Variants in FBXO36 observed in about 807,000 individuals in gnomAD.
The protein encoded by FBXO36 is F-box protein 36.
In FBXO36, 18 loss-of-function variants were observed where a neutral mutation model predicts 17.0. That is an observed-to-expected ratio of 1.06 (90% CI 0.73 to 1.57). The LOEUF is 1.57. FBXO36 is among the 40% of genes most tolerant of loss of function. The pLI is 0.00. For synonymous variants in FBXO36, 83 were observed against 85.3 expected (o/e 0.97, Z 0.15); for missense variants, 229 against 221.9 (o/e 1.03, Z -0.20).
At chr2:229,929,603 T>A (rs747745500) in intron 1 of FBXO36, among the ~76,000 whole-genome samples, 9 of 150,484 alleles carry the variant, frequency 6.0e-5, no homozygotes, top group Admixed American at 5.3e-4. Flanking sequence ...CCAGGCGCGG[T>A]GGCTCATGCC....
intron 3 of FBXO36, 21 bp from the exon 4 acceptor site, chr2:230,010,675 T>C (rs2106221322): frequency 6.3e-7 from 1 of 1,589,348 alleles, no homozygotes; most frequent in South Asian, 1.1e-5. Context: ...GTAACCCACC[T>C]CTGACTTTTC....
chr2:230,005,383 G>A (rs2077381855), intron 3 of FBXO36, among the ~76,000 whole-genome samples: 1 of 152,030 alleles, frequency 6.6e-6, no homozygotes, highest in South Asian at 2.1e-4. Flanking sequence ...TTACAGGTGT[G>A]AGCCACCACA....
intron 1 of FBXO36, chr2:229,932,826 T>C (rs2076945819): frequency 4.0e-6 from 1 of 249,494 alleles, no homozygotes; most frequent in Non-Finnish European, 8.5e-6. Flanking sequence ...TCCCAGCACT[T>C]TGGGAGGCCG....
chr2:229,991,384 A>G (rs1238130520), intron 2 of FBXO36, among the ~76,000 whole-genome samples: 1 of 152,156 alleles, frequency 6.6e-6, no homozygotes, highest in Non-Finnish European at 1.5e-5. Flanking sequence ...GGAGGCCTCT[A>G]AGGAAGTAAT....
At chr2:229,982,778 CAAAAAAAA>C (rs58999886) in intron 2 of FBXO36, among the ~76,000 whole-genome samples, 1 of 78,758 alleles carries the variant, frequency 1.3e-5, no homozygotes, top group Non-Finnish European at 2.5e-5. Flanking sequence ...GAGCTTGTCT[CAAAAAAAA>C]AAAAAAAAAA....
rs191757359 is a variant in FBXO36 at position 229,993,505 on chromosome 2, G to A, written c.206-3246G>A. 4.0e-3 allele frequency among the ~76,000 whole-genome samples: 605 copies of A among 152,296 alleles called. 7 individuals are homozygous for A. Among genetic ancestry groups the A allele is most frequent in the African/African-American group, 0.014 (580 of 41,568 alleles). On this transcript the variant is annotated intron_variant, in intron 2 of 3. Transcript: ENST00000283946. ...GTGTGGGATGGAAATATGCGGGGGT[G>A]TAAGTTTAGGAAAAGATAGTCACTG...
At chr2:229,931,753 C>A (rs1017377469) in intron 1 of FBXO36, among the ~76,000 whole-genome samples, 1 of 152,044 alleles carries the variant, frequency 6.6e-6, no homozygotes, top group African/African-American at 2.4e-5. Context: ...GCAGCAGAAT[C>A]GCTTGAACCT....
In FBXO36 at chr2:229,979,070, G is replaced by A. The variant is rs897460668; in HGVS notation, c.205+2721G>A. Reference sequence around the variant, plus strand: ...CAGGCGCCTGTAATCCCTGCTGCTCGGGAGGCTGAGGATCACTTGAACCTG... The same window carrying A: ...CAGGCGCCTGTAATCCCTGCTGCTCAGGAGGCTGAGGATCACTTGAACCTG... On this transcript the variant is annotated intron_variant, in intron 2 of 3. Transcript: ENST00000283946. Among the ~76,000 whole-genome samples, 5 of 151,598 alleles carry A rather than the reference G, an allele frequency of 3.3e-5. No individual in the cohort carries two copies. In the East Asian group the frequency reaches 9.7e-4, roughly 29 times the overall value.
intron 3 of FBXO36, among the ~76,000 whole-genome samples, chr2:230,004,276 G>A (rs1430401690): frequency 1.3e-5 from 2 of 152,084 alleles, no homozygotes; most frequent in Non-Finnish European, 2.9e-5. Flanking sequence ...CAAGCTCAAG[G>A]GCAAGGATTG....
intron 1 of FBXO36, among the ~76,000 whole-genome samples, chr2:229,929,895 T>A (rs1001054152): frequency 6.6e-6 from 1 of 152,182 alleles, no homozygotes; most frequent in African/African-American, 2.4e-5. Context: ...TTCTAAGCTA[T>A]CATGCCCATT....
At chr2:229,998,477 C>T (rs547779753) in intron 3 of FBXO36, among the ~76,000 whole-genome samples, 2 of 152,134 alleles carry the variant, frequency 1.3e-5, no homozygotes, top group Non-Finnish European at 2.9e-5. Context: ...ACAAAATTAG[C>T]CAAGCGTGGT....
At chr2:229,941,279 C>T (rs945136848) in intron 1 of FBXO36, among the ~76,000 whole-genome samples, 1 of 151,958 alleles carries the variant, frequency 6.6e-6, no homozygotes, top group African/African-American at 2.4e-5. Flanking sequence ...CACGGTGAAA[C>T]CCCGTGTCTA....
chr2:229,958,453 T>C (rs926687905), intron 1 of FBXO36, among the ~76,000 whole-genome samples: 3 of 152,064 alleles, frequency 2.0e-5, no homozygotes, highest in Non-Finnish European at 2.9e-5. Flanking sequence ...GTATTTTTAG[T>C]AGAGACGGGG....
At chr2:229,975,083 G>A (rs2077200326) in intron 1 of FBXO36, among the ~76,000 whole-genome samples, 1 of 152,120 alleles carries the variant, frequency 6.6e-6, no homozygotes. Context: ...CCCATTAATT[G>A]ACACTGCCAT....
At chr2:229,952,763 A>G (rs1034382004) in intron 1 of FBXO36, among the ~76,000 whole-genome samples, 9 of 152,286 alleles carry the variant, frequency 5.9e-5, no homozygotes, top group African/African-American at 1.7e-4. Flanking sequence ...AGTGTTGCCA[A>G]GAGGGTACCA....
intron 1 of FBXO36, among the ~76,000 whole-genome samples, chr2:229,956,804 A>AGTTCTCCT (rs2077090463): frequency 1.3e-5 from 2 of 152,180 alleles, no homozygotes; most frequent in South Asian, 4.1e-4. Flanking sequence ...CAAAGAGACT[A>AGTTCTCCT]GTTCTCCTTT....
chr2:229,983,773 C>A (rs961160602), intron 2 of FBXO36, among the ~76,000 whole-genome samples: 1 of 152,172 alleles, frequency 6.6e-6, no homozygotes, highest in Non-Finnish European at 1.5e-5. Context: ...GTGACCTTAA[C>A]CAAATTATTT....
rs184490306 is a variant in FBXO36 at position 229,980,096 on chromosome 2, G to A, written c.205+3747G>A. On this transcript the variant is annotated intron_variant, in intron 2 of 3. Coordinates refer to ENST00000283946, the MANE Select transcript of FBXO36 (RefSeq NM_174899.5). ...AGAGTCTTGCTCTGTCGCCTAGGGT[G>A]GACGGCAGTGGCACGATCTCAGCTC... 3.9e-5 allele frequency among the ~76,000 whole-genome samples: 6 copies of A among 151,938 alleles called. No homozygotes were observed. The East Asian group carries it at 7.8e-4, about 20-fold the overall frequency.
chr2:229,939,468 G>C lies in FBXO36; in HGVS notation c.96+16859G>C, dbSNP rs532506120. On this transcript the variant is annotated intron_variant, in intron 1 of 3. Coordinates refer to ENST00000283946, the MANE Select transcript of FBXO36 (RefSeq NM_174899.5). The stretch of plus-strand genomic sequence containing the variant: ...AAAATACAAAAAAAAAAAATTAGCC[G>C]GACATGGTGGTGTGCACCTGTAATC... 1.2e-3 allele frequency among the ~76,000 whole-genome samples: 178 copies of C among 151,924 alleles called. 1 individual carries two copies. Among genetic ancestry groups the C allele is most frequent in the Non-Finnish European group, 1.9e-3 (130 of 67,954 alleles).
Sources: allele counts gnomAD v4.1 joint callset (sites outside exome capture counted in the v4.1 genomes callset), GRCh38; gene constraint gnomAD v4.1.1; transcripts MANE v1.5; gene names NCBI Gene and HGNC (gene_info 2026-07-23, HGNC 2026-07-21).